COMMD10: variants seen among roughly 807,000 people sequenced by gnomAD.
The protein encoded by COMMD10 is COMM domain-containing protein 10.
A neutral mutation model predicts 28.9 loss-of-function variants in COMMD10; 33 were observed. The observed-to-expected ratio is 1.14, with a 90% CI of 0.87 to 1.53. The LOEUF is 1.53. COMMD10 is among the 40% of genes most tolerant of loss of function. The pLI is 0.00. For synonymous variants in COMMD10, 110 were observed against 81.7 expected (o/e 1.35, Z -1.87); for missense variants, 310 against 233.4 (o/e 1.33, Z -2.14).
chr5:116,151,041 CTAAT>C (rs528059765), intron 5 of COMMD10, among the ~76,000 whole-genome samples: 3,275 of 150,798 alleles, frequency 0.022, 110 homozygotes, highest in African/African-American at 0.076. Flanking sequence ...CCATCAATAC[CTAAT>C]TTATTGAGAG....
At chr5:116,212,995 C>T (rs1749007322) in intron 5 of COMMD10, among the ~76,000 whole-genome samples, 1 of 151,906 alleles carries the variant, frequency 6.6e-6, no homozygotes, top group Admixed American at 6.6e-5. Context: ...GTAAATTACA[C>T]AATGATAGGA....
chr5:116,203,409 G>A (rs1005728440), intron 5 of COMMD10, among the ~76,000 whole-genome samples: 1 of 152,052 alleles, frequency 6.6e-6, no homozygotes, highest in Non-Finnish European at 1.5e-5. Context: ...GATACTCCTT[G>A]AGAAGAGCAA....
At chr5:116,089,185 C>T (rs1270603718) in intron 2 of COMMD10, among the ~76,000 whole-genome samples, 1 of 152,158 alleles carries the variant, frequency 6.6e-6, no homozygotes, top group Non-Finnish European at 1.5e-5. Flanking sequence ...CTTTGTGTTA[C>T]TAACTCATCT....
At chr5:116,092,955 A>G (rs1303533897) in intron 4 of COMMD10, among the ~76,000 whole-genome samples, 3 of 152,178 alleles carry the variant, frequency 2.0e-5, no homozygotes, top group Non-Finnish European at 4.4e-5. Context: ...ACTGGAAACT[A>G]TCGCTCGCTG....
chr5:116,087,369 T>G (rs1223993869), intron 1 of COMMD10, 128 bp from the exon 2 acceptor site: 2 of 607,776 alleles, frequency 3.3e-6, no homozygotes, highest in Middle Eastern at 3.7e-4. Context: ...CTGTCATCTG[T>G]TTTTATTTCA....
chr5:116,230,911 G>A (rs1216533664), intron 5 of COMMD10, among the ~76,000 whole-genome samples: 6 of 152,078 alleles, frequency 3.9e-5, no homozygotes, highest in Non-Finnish European at 7.4e-5. Context: ...ATTTCATACT[G>A]TCTTCCTCCT....
chr5:116,173,770 G>A (rs1245784314), intron 5 of COMMD10, among the ~76,000 whole-genome samples: 1 of 151,776 alleles, frequency 6.6e-6, no homozygotes. Flanking sequence ...AGAAGCCAAA[G>A]CATTGGGTAT....
At chr5:116,204,344 A>G (rs11241377) in intron 5 of COMMD10, among the ~76,000 whole-genome samples, 56,733 of 152,020 alleles carry the variant, frequency 0.37, 13,074 homozygotes, top group African/African-American at 0.66. Flanking sequence ...CTGAAAGGTG[A>G]TATGAATGGT....
intron 5 of COMMD10, among the ~76,000 whole-genome samples, chr5:116,192,125 C>A (rs1452759691): frequency 3.3e-5 from 5 of 152,068 alleles, no homozygotes; most frequent in Non-Finnish European, 7.4e-5. Flanking sequence ...AGTACTACAT[C>A]AAGGGAACAC....
intron 5 of COMMD10, among the ~76,000 whole-genome samples, chr5:116,200,370 T>C (rs1748635282): frequency 6.6e-6 from 1 of 152,134 alleles, no homozygotes; most frequent in Admixed American, 6.6e-5. Flanking sequence ...TATCTTCGAT[T>C]TTCTGTAATT....
intron 5 of COMMD10, among the ~76,000 whole-genome samples, chr5:116,168,231 A>T (rs949436785): frequency 2.0e-5 from 3 of 152,034 alleles, no homozygotes; most frequent in African/African-American, 7.2e-5. Context: ...AGATCAAAAA[A>T]GACAAAGAAG....
rs1376721031 is a variant in COMMD10, at chr5:116,292,874, A to C, written c.*385A>C. On this transcript the variant is annotated 3_prime_UTR_variant, in exon 7 of 7. Coordinates refer to ENST00000274458, the MANE Select transcript of COMMD10 (RefSeq NM_016144.4). ...AAGATAAGATGTGTACCTTAGTAGA[A>C]TACAGAGCTTTGGTAATTACATGAA... The C allele has an allele frequency of 5.1e-6, 2 of 394,486 alleles. No homozygotes were observed. Among genetic ancestry groups the C allele is most frequent in the Non-Finnish European group, 8.9e-6 (2 of 223,828 alleles). The allele number at this position is 394,486 out of a possible 1,614,324, so 24.4% of individuals were successfully genotyped here.
chr5:116,206,998 T>A (rs1748830327), intron 5 of COMMD10, among the ~76,000 whole-genome samples: 1 of 152,200 alleles, frequency 6.6e-6, no homozygotes. Flanking sequence ...TTTCTTTTGC[T>A]ATTTTAATAG....
In COMMD10 at chr5:116,246,406, C is replaced by G. The variant is rs185298817; in HGVS notation, c.511-45111C>G. On this transcript the variant is annotated intron_variant, in intron 5 of 6. Transcript: ENST00000274458. The stretch of plus-strand genomic sequence containing the variant: ...ATGTCATTAAAAATGGCCATACTTC[C>G]CAAAGCAATTTATAGATTCAGTGCT... Among the ~76,000 whole-genome samples, 34 of 151,974 alleles carry G rather than the reference C, an allele frequency of 2.2e-4. 1 individual carries two copies. The highest frequency in any genetic ancestry group is 5.5e-4 in the African/African-American group (23 of 41,466).
At chr5:116,109,336 C>T (rs1168358748) in intron 4 of COMMD10, among the ~76,000 whole-genome samples, 1 of 152,184 alleles carries the variant, frequency 6.6e-6, no homozygotes, top group Non-Finnish European at 1.5e-5. Context: ...GTCATTTCAG[C>T]ACTTTGAGAG....
intron 5 of COMMD10, among the ~76,000 whole-genome samples, chr5:116,273,113 A>G (rs1428799571): frequency 6.6e-6 from 1 of 151,870 alleles, no homozygotes; most frequent in Admixed American, 6.6e-5. Context: ...AGAAGAATTC[A>G]GTTTGCTCTG....
intron 5 of COMMD10, among the ~76,000 whole-genome samples, chr5:116,158,910 C>G (rs1260831366): frequency 2.0e-5 from 3 of 150,704 alleles, no homozygotes; most frequent in East Asian, 3.9e-4. Flanking sequence ...TTGTGCTTGA[C>G]AAGTAACAGG....
At chr5:116,131,667 TAAG>T (rs1184238879) in intron 4 of COMMD10, among the ~76,000 whole-genome samples, 1 of 152,026 alleles carries the variant, frequency 6.6e-6, no homozygotes, top group Non-Finnish European at 1.5e-5. Flanking sequence ...TAAAGGTGAA[TAAG>T]ACTCCAGCTG....
chr5:116,122,960 AC>A (rs199853987), intron 4 of COMMD10, among the ~76,000 whole-genome samples: 3,174 of 152,088 alleles, frequency 0.021, 77 homozygotes, highest in Non-Finnish European at 0.029. Context: ...CTAACTGAAT[AC>A]CCTTTATTTC....
Sources: allele counts gnomAD v4.1 joint callset (sites outside exome capture counted in the v4.1 genomes callset), GRCh38; gene constraint gnomAD v4.1.1; transcripts MANE v1.5; gene names NCBI Gene and HGNC (gene_info 2026-07-23, HGNC 2026-07-21).